Variants in RYR3 observed in about 807,000 individuals in gnomAD.
RYR3 encodes the protein brain ryanodine receptor-calcium release channel.
Under a neutral mutation model 584.3 loss-of-function variants are expected in RYR3, and 207 were observed. That is an observed-to-expected ratio of 0.35 (90% CI 0.32 to 0.40). The LOEUF (loss-of-function observed/expected upper bound fraction) is 0.40. RYR3 is among the 10% of genes least tolerant of loss of function. The probability of loss-of-function intolerance (pLI) is 1.00; values close to 1 mark genes in which losing one functional copy is unlikely to be tolerated. For missense variants in RYR3, 5,616 were observed against 6,089.2 expected, an observed-to-expected ratio of 0.92 and a Z score of 2.59; for synonymous variants, 2,416 against 2,248.5, an observed-to-expected ratio of 1.07 and a Z score of -2.11.
intron 1 of RYR3, among the ~76,000 whole-genome samples, chr15:33,415,550 A>G (rs760687006): frequency 6.6e-6 from 1 of 152,112 alleles, no homozygotes; most frequent in Non-Finnish European, 1.5e-5. Context: ...TGTAATAGAG[A>G]AGTGTACCAG....
In RYR3 at chr15:33,706,825, A is replaced by G. The variant is rs569166108; in HGVS notation, c.6484-94A>G. 24 of 1,255,086 alleles carry G rather than the reference A, an allele frequency of 1.9e-5. No homozygotes were observed. The South Asian group carries it at 3.5e-4, about 19-fold the overall frequency. The allele number at this position is 1,255,086 out of a possible 1,614,324, so 77.7% of individuals were successfully genotyped here. ...AATGCACAAGAGTTCCAACTTCTCTACATCCTCAACCAACACTTGTTATTT... is the reference window on the plus strand; with the variant it reads ...AATGCACAAGAGTTCCAACTTCTCTGCATCCTCAACCAACACTTGTTATTT... On this transcript the variant is annotated intron_variant, in intron 42 of 103. Coordinates refer to ENST00000634891, the MANE Select transcript of RYR3 (RefSeq NM_001036.6).
At chr15:33,714,652 A>G (rs1261906433) in intron 43 of RYR3, among the ~76,000 whole-genome samples, 1 of 152,324 alleles carries the variant, frequency 6.6e-6, no homozygotes, top group Admixed American at 6.5e-5. Flanking sequence ...GTCCTTGGAG[A>G]GTTATAGCGA....
chr15:33,821,457 A>G (rs890249662), intron 79 of RYR3, 66 bp from the exon 80 acceptor site: 2 of 1,601,228 alleles, frequency 1.2e-6, no homozygotes, highest in Admixed American at 1.7e-5. Flanking sequence ...GAGCCCTGCT[A>G]AGGCCCAGGA....
intron 38 of RYR3, among the ~76,000 whole-genome samples, chr15:33,676,423 GA>G (rs1262490082): frequency 6.6e-6 from 1 of 152,186 alleles, no homozygotes; most frequent in East Asian, 1.9e-4. Flanking sequence ...AGCAGCAATA[GA>G]AAAGGTGGTG....
intron 2 of RYR3, among the ~76,000 whole-genome samples, chr15:33,485,414 A>G (rs899781019): frequency 2.6e-5 from 4 of 152,156 alleles, no homozygotes; most frequent in Admixed American, 6.5e-5. Flanking sequence ...TGCTGAGGGG[A>G]AGATATATGT....
intron 58 of RYR3, 70 bp downstream of exon 58, chr15:33,755,250 G>T: frequency 1.0e-6 from 1 of 956,588 alleles, no homozygotes; most frequent in Non-Finnish European, 1.6e-6. Context: ...CTTTCAGACT[G>T]TAACTTTTTA....
At chr15:33,692,620 T>C (rs1211615881) in intron 38 of RYR3, among the ~76,000 whole-genome samples, 3 of 30,066 alleles carry the variant, frequency 1.0e-4, no homozygotes, top group East Asian at 5.0e-3. Flanking sequence ...TGGGGACTAC[T>C]TTTTTTTTTT....
chr15:33,729,254 T>G (rs2068730479), intron 47 of RYR3, among the ~76,000 whole-genome samples: 1 of 152,152 alleles, frequency 6.6e-6, no homozygotes, highest in South Asian at 2.1e-4. Context: ...TTGCAGAGTT[T>G]TTTTAACCTT....
At chr15:33,864,019 T>TAAGTCACTGTAGATAGCGTGGGACCA in intron 102 of RYR3, 119 bp from the exon 103 acceptor site, 2 of 659,934 alleles carry the variant, frequency 3.0e-6, no homozygotes, top group South Asian at 3.9e-5. Flanking sequence ...CCTGATCATT[T>TAAGTCACTGTAGATAGCGTGGGACCA]AAGTCACTGT....
chr15:33,769,441 ATG>A (rs746373541), intron 62 of RYR3, among the ~76,000 whole-genome samples: 10 of 152,206 alleles, frequency 6.6e-5, no homozygotes, highest in Non-Finnish European at 1.5e-4. Context: ...AAAATATATA[ATG>A]TGGCAAACCC....
intron 65 of RYR3, among the ~76,000 whole-genome samples, chr15:33,781,651 A>G (rs1314591144): frequency 6.6e-6 from 1 of 152,198 alleles, no homozygotes; most frequent in African/African-American, 2.4e-5. Context: ...AATGATCACC[A>G]GGACAATTCA....
At chr15:33,632,301 T>A (rs2061307984) in intron 23 of RYR3, among the ~76,000 whole-genome samples, 1 of 152,298 alleles carries the variant, frequency 6.6e-6, no homozygotes, top group East Asian at 1.9e-4. Context: ...TTTCCTAAGG[T>A]TTCACTCCGC....
intron 102 of RYR3, among the ~76,000 whole-genome samples, chr15:33,862,308 G>C (rs1464726023): frequency 6.6e-6 from 1 of 151,946 alleles, no homozygotes; most frequent in Non-Finnish European, 1.5e-5. Context: ...CACCTCCCAG[G>C]CTCAAGACAT....
At chr15:33,789,946 GGATTACA>G (rs1452583902) in intron 67 of RYR3, among the ~76,000 whole-genome samples, 1 of 143,530 alleles carries the variant, frequency 7.0e-6, no homozygotes, top group Non-Finnish European at 1.5e-5. Flanking sequence ...CAAACTGTTG[GGATTACA>G]GATTACAGGC....
chr15:33,710,255 C>T (rs1309555067), intron 43 of RYR3, among the ~76,000 whole-genome samples: 1 of 151,324 alleles, frequency 6.6e-6, no homozygotes, highest in African/African-American at 2.4e-5. Context: ...CCGATCATGG[C>T]AGAAGGCAAA....
chr15:33,831,972 A>G (rs920909269), intron 86 of RYR3, among the ~76,000 whole-genome samples: 3 of 152,164 alleles, frequency 2.0e-5, no homozygotes, highest in South Asian at 2.1e-4. Context: ...GAGAAAATAC[A>G]TATGCACAAG....
chr15:33,700,640 A>G (rs2066230961), intron 41 of RYR3, among the ~76,000 whole-genome samples: 1 of 152,174 alleles, frequency 6.6e-6, no homozygotes, highest in African/African-American at 2.4e-5. Flanking sequence ...CCCCAGAAAT[A>G]TACAGGTTCC....
Position 33,696,268 on chromosome 15 carries a change from G to C in RYR3, c.5911G>C (p.Asp1971His), listed in dbSNP as rs2065860478. ...GACGATGATCTGCTGGGCCCAGGAG[G>C]ACCAGATCCAGGATTCAGAGCTGGT... ...SQTMICWAQE[D>H]QIQDSELVRM... The change falls in exon 39 of 104, where the codon GAC (aspartate) becomes CAC (histidine). Residue 1971 changes from aspartate to histidine, a missense_variant. Physicochemically the swap from Asp to His is moderately conservative, Grantham distance 81 (BLOSUM62 -1). This residue lies in a region of RYR3 where 1,280 missense variants were observed against 1,426.2 expected (regional missense o/e 0.90). Coordinates refer to ENST00000634891, the MANE Select transcript of RYR3 (RefSeq NM_001036.6). 2 of 1,613,596 alleles carry C rather than the reference G, an allele frequency of 1.2e-6. No individual in the cohort carries two copies.
intron 40 of RYR3, 66 bp downstream of exon 40, chr15:33,698,062 C>T (rs925734455): frequency 4.7e-5 from 51 of 1,074,728 alleles, no homozygotes; most frequent in Non-Finnish European, 6.5e-5. Context: ...GTGACTTGTT[C>T]AGAGCCACGT....
Sources: gnomAD v4.1 joint callset for allele counts (sites outside exome capture counted in the v4.1 genomes callset) on GRCh38, gnomAD v4.1.1 for gene constraint, gnomAD v4.1.1 regional missense constraint, MANE v1.5 for transcripts, NCBI Gene and HGNC (gene_info 2026-07-23, HGNC 2026-07-21) for gene names.